THSD7A: variants seen among roughly 807,000 people sequenced by gnomAD.
The protein encoded by THSD7A is thrombospondin type-1 domain-containing protein 7A.
A neutral mutation model predicts 231.3 loss-of-function variants in THSD7A; 96 were observed. The observed-to-expected ratio is 0.41, with a 90% CI of 0.35 to 0.49. The LOEUF (loss-of-function observed/expected upper bound fraction) is 0.49. THSD7A is among the 20% of genes least tolerant of loss of function. The pLI, the probability that THSD7A is intolerant of heterozygous loss-of-function variation, is 0.05. For synonymous variants in THSD7A, 940 were observed against 743.3 expected, an observed-to-expected ratio of 1.26 and a Z score of -4.30; for missense variants, 2,290 against 2,070.2, an observed-to-expected ratio of 1.11 and a Z score of -2.06.
intron 23 of THSD7A, among the ~76,000 whole-genome samples, chr7:11,393,012 T>A (rs560076956): frequency 9.1e-4 from 138 of 152,244 alleles, no homozygotes; most frequent in Non-Finnish European, 1.5e-3. Flanking sequence ...GAGCAGTAGA[T>A]CTCCCAGCAC....
rs529474114 is a variant in THSD7A at position 11,462,108 on chromosome 7, C to T, written c.2404G>A (p.Val802Ile). 1.9e-6 allele frequency: 3 copies of T among 1,613,776 alleles called. No individual in the cohort carries two copies. Among genetic ancestry groups the T allele is most frequent in the African/African-American group, 2.7e-5 (2 of 75,026 alleles). The change falls in exon 10 of 28, where the codon GTC becomes ATC. Residue 802 changes from valine (V) to isoleucine (I), a missense_variant. Physicochemically the swap from Val to Ile is conservative, Grantham distance 29. Transcript: ENST00000423059. ...SSIRKQSRHR[V>I]IIQLPANGGR... ...CCGTTGGCTGGCAGCTGAATGATGA[C>T]CCGATGCCTAGACTGCTTCCTGATA...
chr7:11,817,213 C>T (rs7787091), intron 1 of THSD7A, among the ~76,000 whole-genome samples: 93,708 of 152,042 alleles, frequency 0.62, 29,223 homozygotes, highest in Admixed American at 0.73. Context: ...AGTCTGATCA[C>T]TCATCGTATA....
chr7:11,495,113 A>C (rs1300960134), intron 6 of THSD7A, among the ~76,000 whole-genome samples: 1 of 152,000 alleles, frequency 6.6e-6, no homozygotes, highest in African/African-American at 2.4e-5. Context: ...TTCTTTTTTC[A>C]AACTTGTAGC....
intron 23 of THSD7A, among the ~76,000 whole-genome samples, chr7:11,394,526 G>T (rs1017515595): frequency 6.6e-6 from 1 of 152,212 alleles, no homozygotes; most frequent in East Asian, 1.9e-4. Flanking sequence ...CCCTGAGGCA[G>T]AGGGCAAGGA....
intron 1 of THSD7A, among the ~76,000 whole-genome samples, chr7:11,702,314 G>T (rs965319278): frequency 6.6e-6 from 1 of 151,176 alleles, no homozygotes; most frequent in African/African-American, 2.4e-5. Context: ...AAAAATCCAC[G>T]ACCAAGCTCA....
At chr7:11,494,245 C>G (rs1316374443) in intron 6 of THSD7A, among the ~76,000 whole-genome samples, 2 of 151,996 alleles carry the variant, frequency 1.3e-5, no homozygotes, top group Admixed American at 1.3e-4. Flanking sequence ...TCTGATTGGT[C>G]AGTGCCTGTG....
intron 6 of THSD7A, among the ~76,000 whole-genome samples, chr7:11,499,541 T>C (rs1787246456): frequency 6.6e-6 from 1 of 152,160 alleles, no homozygotes; most frequent in South Asian, 2.1e-4. Flanking sequence ...TTCAGGAGGA[T>C]GGCAAACCCC....
chr7:11,567,235 G>A (rs1412625817), intron 4 of THSD7A, among the ~76,000 whole-genome samples: 2 of 152,052 alleles, frequency 1.3e-5, no homozygotes, highest in Admixed American at 1.3e-4. Flanking sequence ...TAAAAATCAT[G>A]GTGGAAGGTG....
intron 1 of THSD7A, among the ~76,000 whole-genome samples, chr7:11,661,787 T>G (rs528278568): frequency 9.2e-5 from 14 of 151,362 alleles, no homozygotes; most frequent in Admixed American, 2.0e-4. Context: ...GAATATTGAA[T>G]GCATAAAGCA....
chr7:11,388,262 AGGAAT>A (rs1157773848), intron 23 of THSD7A, among the ~76,000 whole-genome samples: 6 of 152,142 alleles, frequency 3.9e-5, no homozygotes, highest in Non-Finnish European at 7.3e-5. Context: ...TCGTTTCAGA[AGGAAT>A]GGTACCAGCT....
chr7:11,390,650 ATCCTTT>A lies in THSD7A; in HGVS notation c.4412-8040_4412-8035del, dbSNP rs1583655692. Among the ~76,000 whole-genome samples, 5 of 152,246 alleles carry A rather than the reference ATCCTTT, an allele frequency of 3.3e-5. No homozygotes were observed. The East Asian group carries it at 9.7e-4, about 29-fold the overall frequency. On this transcript the variant is annotated intron_variant, in intron 23 of 27. Transcript: ENST00000423059. ...GTTCCCTTGCTGGTGAGGAGGTGTG[ATCCTTT>A]GGAGGGGAAGAGGCATTCTGGTTTT...
intron 11 of THSD7A, among the ~76,000 whole-genome samples, chr7:11,454,138 G>A (rs371069339): frequency 3.3e-5 from 5 of 151,862 alleles, no homozygotes; most frequent in African/African-American, 1.2e-4. Flanking sequence ...CATGTTATTT[G>A]CATTTCTCTT....
chr7:11,693,346 T>G (rs1190659151), intron 1 of THSD7A, among the ~76,000 whole-genome samples: 1 of 151,538 alleles, frequency 6.6e-6, no homozygotes, highest in Non-Finnish European at 1.5e-5. Context: ...CATTTTATAC[T>G]TCACAGAATA....
At chr7:11,546,144 C>A (rs187749675) in intron 4 of THSD7A, among the ~76,000 whole-genome samples, 1 of 148,904 alleles carries the variant, frequency 6.7e-6, no homozygotes, top group African/African-American at 2.5e-5. Flanking sequence ...CCTTCCCCAA[C>A]CATTGTGCCA....
chr7:11,560,605 G>A (rs771855484), intron 4 of THSD7A, among the ~76,000 whole-genome samples: 12 of 152,052 alleles, frequency 7.9e-5, no homozygotes, highest in East Asian at 1.9e-4. Flanking sequence ...ATACCCAGTC[G>A]TAGAATTATT....
rs115092759 is a variant in THSD7A at position 11,497,717 on chromosome 7, G to C, written c.1823-15735C>G. 9.5e-3 allele frequency among the ~76,000 whole-genome samples: 1,448 copies of C among 152,274 alleles called. 30 individuals are homozygous for C. Among genetic ancestry groups the C allele is most frequent in the African/African-American group, 0.033 (1,378 of 41,546 alleles). On this transcript the variant is annotated intron_variant, in intron 6 of 27. Transcript: ENST00000423059. ...TGCTAAGAGCTGTGGCTCTCAGGGA[G>C]AGGAACAGAAGGGCAAGTAAATATA... is the stretch of plus-strand genomic sequence containing the variant.
chr7:11,821,277 G>A, intron 1 of THSD7A: 1 of 1,030,546 alleles, frequency 9.7e-7, no homozygotes, highest in Non-Finnish European at 1.5e-6. Flanking sequence ...GTATGTGCTG[G>A]AAAATGGAAC....
intron 7 of THSD7A, among the ~76,000 whole-genome samples, chr7:11,480,278 C>G (rs1179227677): frequency 1.3e-5 from 2 of 152,128 alleles, no homozygotes; most frequent in African/African-American, 4.8e-5. Context: ...AGCATCATGT[C>G]TACAGGAATA....
At chr7:11,815,658 C>A (rs1199877601) in intron 1 of THSD7A, among the ~76,000 whole-genome samples, 1 of 152,090 alleles carries the variant, frequency 6.6e-6, no homozygotes, top group African/African-American at 2.4e-5. Flanking sequence ...TATAATAGTT[C>A]ATTTAGATGA....
Sources: gnomAD v4.1 joint callset for allele counts (sites outside exome capture counted in the v4.1 genomes callset) on GRCh38, gnomAD v4.1.1 for gene constraint, MANE v1.5 for transcripts, NCBI Gene and HGNC (gene_info 2026-07-23, HGNC 2026-07-21) for gene names.